CADM1: variants seen among roughly 807,000 people sequenced by gnomAD.
CADM1 encodes cell adhesion molecule 1.
A neutral mutation model predicts 53.1 loss-of-function variants in CADM1; 15 were observed. That is an observed-to-expected ratio of 0.28 (90% CI 0.19 to 0.44). CADM1 has a LOEUF of 0.44. Ranked by LOEUF, CADM1 falls within the 20% of genes least tolerant of loss-of-function variation. The pLI is 1.00. For missense variants in CADM1, 434 were observed against 611.3 expected (o/e 0.71, Z 3.06); for synonymous variants, 281 against 243.0 (o/e 1.16, Z -1.45).
intron 1 of CADM1, among the ~76,000 whole-genome samples, chr11:115,441,451 AACTCCTAT>A (rs1450480270): frequency 1.3e-5 from 2 of 152,216 alleles, no homozygotes; most frequent in Non-Finnish European, 2.9e-5. Context: ...TGATAACTGT[AACTCCTAT>A]GTGGAACTGC....
intron 1 of CADM1, among the ~76,000 whole-genome samples, chr11:115,245,149 C>T (rs1942368795): frequency 6.6e-6 from 1 of 152,022 alleles, no homozygotes; most frequent in Non-Finnish European, 1.5e-5. Context: ...GACAGTTTGC[C>T]CAGAGAAAGG....
At chr11:115,446,570 T>C (rs2135338020) in intron 1 of CADM1, among the ~76,000 whole-genome samples, 1 of 152,200 alleles carries the variant, frequency 6.6e-6, no homozygotes, top group Admixed American at 6.6e-5. Flanking sequence ...AAGAACTAAG[T>C]CCCAGAGAGG....
At chr11:115,393,435 A>G (rs896988813) in intron 1 of CADM1, among the ~76,000 whole-genome samples, 1 of 151,950 alleles carries the variant, frequency 6.6e-6, no homozygotes, top group Non-Finnish European at 1.5e-5. Context: ...AGACTGAAGG[A>G]AAGAAAGACT....
intron 1 of CADM1, among the ~76,000 whole-genome samples, chr11:115,368,580 T>C (rs1164343166): frequency 6.6e-6 from 1 of 152,162 alleles, no homozygotes; most frequent in Non-Finnish European, 1.5e-5. Context: ...TAATGTTCTG[T>C]GAAGAAAATC....
intron 1 of CADM1, among the ~76,000 whole-genome samples, chr11:115,428,048 G>T (rs79131822): frequency 6.6e-6 from 1 of 150,640 alleles, no homozygotes; most frequent in African/African-American, 2.4e-5. Context: ...AATTAAAGGG[G>T]ATGTCCACAA....
intron 7 of CADM1, among the ~76,000 whole-genome samples, chr11:115,213,819 A>AT (rs1386342569): frequency 2.0e-5 from 3 of 152,152 alleles, no homozygotes; most frequent in African/African-American, 7.2e-5. Flanking sequence ...GTTCATGGCT[A>AT]TTTTTTGGCA....
chr11:115,195,819 C>A (rs1462289167), intron 9 of CADM1, among the ~76,000 whole-genome samples: 1 of 152,184 alleles, frequency 6.6e-6, no homozygotes, highest in Non-Finnish European at 1.5e-5. Flanking sequence ...TTCATTACAG[C>A]TTCTTTGCTG....
intron 1 of CADM1, among the ~76,000 whole-genome samples, chr11:115,385,175 T>A (rs1946669789): frequency 6.8e-6 from 1 of 147,172 alleles, no homozygotes; most frequent in Admixed American, 6.8e-5. Context: ...TTGTAAAATG[T>A]GCTTTCCAAA....
chr11:115,223,449 T>C (rs981872761), intron 5 of CADM1, among the ~76,000 whole-genome samples: 6 of 152,212 alleles, frequency 3.9e-5, no homozygotes, highest in African/African-American at 7.2e-5. Flanking sequence ...AAGTGAAGTA[T>C]GTGCATTAGA....
At chr11:115,454,194 T>C (rs988112901) in intron 1 of CADM1, among the ~76,000 whole-genome samples, 6 of 152,170 alleles carry the variant, frequency 3.9e-5, no homozygotes, top group Non-Finnish European at 8.8e-5. Context: ...AGGGAGCTCT[T>C]GCAGCATAAA....
At chr11:115,353,986 T>A (rs1450428439) in intron 1 of CADM1, among the ~76,000 whole-genome samples, 1 of 152,182 alleles carries the variant, frequency 6.6e-6, no homozygotes, top group African/African-American at 2.4e-5. Context: ...TGTTTTTGTT[T>A]GTTTAAAATC....
At chr11:115,417,640 G>C (rs536621760) in intron 1 of CADM1, among the ~76,000 whole-genome samples, 1 of 152,162 alleles carries the variant, frequency 6.6e-6, no homozygotes, top group African/African-American at 2.4e-5. Flanking sequence ...TGGCGTACAC[G>C]GTGTGGAGAT....
At chr11:115,387,243 A>T (rs1377294122) in intron 1 of CADM1, among the ~76,000 whole-genome samples, 1 of 152,208 alleles carries the variant, frequency 6.6e-6, no homozygotes, top group African/African-American at 2.4e-5. Context: ...ATTTGCTATA[A>T]ATAAATGACC....
At position 115,260,895 on chromosome 11, in the gene CADM1, T is replaced by G. The variant is rs187450458; in HGVS notation, c.125-20475A>C. Among the ~76,000 whole-genome samples, 739 of 152,050 alleles carry G rather than the reference T, an allele frequency of 4.9e-3. 8 individuals carry two copies. The highest frequency in any genetic ancestry group is 0.017 in the African/African-American group (712 of 41,514). On this transcript the variant is annotated intron_variant, in intron 1 of 11. Coordinates refer to ENST00000331581, the MANE Select transcript of CADM1 (RefSeq NM_001301043.2). ...TTCACCGTGTTAGCCAGGATGGTCTTGATCTTCTGACCTCATGATCCGCCC... is the reference window on the plus strand; with the variant it reads ...TTCACCGTGTTAGCCAGGATGGTCTGGATCTTCTGACCTCATGATCCGCCC...
intron 1 of CADM1, among the ~76,000 whole-genome samples, chr11:115,431,243 T>C (rs1349384791): frequency 6.6e-6 from 1 of 152,194 alleles, no homozygotes; most frequent in Non-Finnish European, 1.5e-5. Context: ...CGGTATGTCA[T>C]TTATATGGCC....
At chr11:115,247,022 AT>A in intron 1 of CADM1, among the ~76,000 whole-genome samples, 1 of 152,162 alleles carries the variant, frequency 6.6e-6, no homozygotes, top group East Asian at 1.9e-4. Flanking sequence ...ACATTAAGCT[AT>A]TCATGAATAT....
At chr11:115,346,136 A>C (rs1945570417) in intron 1 of CADM1, among the ~76,000 whole-genome samples, 1 of 152,146 alleles carries the variant, frequency 6.6e-6, no homozygotes, top group South Asian at 2.1e-4. Flanking sequence ...GACAGAGAGC[A>C]AAGTGGGGTG....
intron 1 of CADM1, among the ~76,000 whole-genome samples, chr11:115,271,859 G>T (rs1382029857): frequency 3.3e-5 from 5 of 152,150 alleles, no homozygotes; most frequent in Non-Finnish European, 5.9e-5. Context: ...CTGAGATGTG[G>T]TATTCCATGT....
At chr11:115,218,035 C>T in intron 5 of CADM1, 44 bp from the exon 6 acceptor site, 5 of 1,425,616 alleles carry the variant, frequency 3.5e-6, no homozygotes, top group Non-Finnish European at 4.0e-6. Flanking sequence ...CAAATGATAT[C>T]ATCAGGCAAA....
Sources: allele counts gnomAD v4.1 joint callset (sites outside exome capture counted in the v4.1 genomes callset), GRCh38; gene constraint gnomAD v4.1.1; transcripts MANE v1.5; gene names NCBI Gene and HGNC (gene_info 2026-07-23, HGNC 2026-07-21).